Variants in NDUFAF2 observed in about 807,000 individuals in gnomAD.
NDUFAF2 encodes NADH:ubiquinone oxidoreductase complex assembly factor 2, also known as NADH dehydrogenase [ubiquinone] 1 alpha subcomplex assembly factor 2.
Under a neutral mutation model 22.8 loss-of-function variants are expected in NDUFAF2, and 13 were observed. That is an observed-to-expected ratio of 0.57 (90% CI 0.37 to 0.91). The LOEUF (loss-of-function observed/expected upper bound fraction) is 0.91, where lower values mean the gene tolerates loss of function less well. Ranked by LOEUF, NDUFAF2 falls within the 40% of genes least tolerant of loss-of-function variation. The pLI is 0.01. For synonymous variants in NDUFAF2, 53 were observed against 64.2 expected (o/e 0.83, Z 0.84); for missense variants, 162 against 195.2 (o/e 0.83, Z 1.01).
chr5:61,106,113 C>A (rs542557769), intron 3 of NDUFAF2, among the ~76,000 whole-genome samples: 1 of 151,518 alleles, frequency 6.6e-6, no homozygotes, highest in East Asian at 1.9e-4. Flanking sequence ...GTTGGAAAAT[C>A]ACCACTATTC....
At chr5:61,144,723 A>G (rs541333148) in intron 3 of NDUFAF2, among the ~76,000 whole-genome samples, 46 of 152,322 alleles carry the variant, frequency 3.0e-4, no homozygotes, top group Admixed American at 1.7e-3. Flanking sequence ...CAGTCATGAT[A>G]ACTTCATCAG....
At chr5:61,082,736 G>A (rs1752458941) in intron 2 of NDUFAF2, among the ~76,000 whole-genome samples, 2 of 152,144 alleles carry the variant, frequency 1.3e-5, no homozygotes, top group East Asian at 3.8e-4. Flanking sequence ...ATTCCATGGT[G>A]TATATGTACC....
intron 1 of NDUFAF2, among the ~76,000 whole-genome samples, chr5:61,039,001 C>G (rs75937660): frequency 0.014 from 2,184 of 151,718 alleles, 64 homozygotes; most frequent in African/African-American, 0.05. Flanking sequence ...TGCTAAATTC[C>G]TTGTTTAAAT....
chr5:61,078,745 G>GA (rs931608867), intron 2 of NDUFAF2, among the ~76,000 whole-genome samples: 38 of 143,756 alleles, frequency 2.6e-4, no homozygotes, highest in Admixed American at 4.8e-4. Flanking sequence ...CGTCTCACAA[G>GA]AAAAAAAAAA....
intron 2 of NDUFAF2, among the ~76,000 whole-genome samples, chr5:61,095,376 C>A (rs938920037): frequency 1.3e-5 from 2 of 152,218 alleles, no homozygotes; most frequent in African/African-American, 2.4e-5. Flanking sequence ...CTTCCCTCCC[C>A]CAAGGAACTC....
At chr5:60,956,342 A>G (rs1750615738) in intron 1 of NDUFAF2, among the ~76,000 whole-genome samples, 1 of 151,958 alleles carries the variant, frequency 6.6e-6, no homozygotes, top group African/African-American at 2.4e-5. Context: ...GATGCCATTT[A>G]TTTGTTTTTC....
chr5:61,089,432 ATGTCT>A (rs1752541142), intron 2 of NDUFAF2, among the ~76,000 whole-genome samples: 2 of 152,144 alleles, frequency 1.3e-5, no homozygotes, highest in African/African-American at 4.8e-5. Context: ...CAACAAAGTA[ATGTCT>A]TGATATTAAT....
chr5:60,992,189 G>A (rs1422929430), intron 1 of NDUFAF2, among the ~76,000 whole-genome samples: 2 of 152,100 alleles, frequency 1.3e-5, no homozygotes, highest in Non-Finnish European at 2.9e-5. Flanking sequence ...TATATACTCT[G>A]GTTATTAATC....
chr5:61,017,875 G>A (rs1259696321), intron 1 of NDUFAF2, among the ~76,000 whole-genome samples: 9 of 151,952 alleles, frequency 5.9e-5, no homozygotes, highest in Admixed American at 3.3e-4. Flanking sequence ...TCAGCCTCCC[G>A]AGTAACTGGG....
At chr5:60,952,996 T>C (rs556685636) in intron 1 of NDUFAF2, among the ~76,000 whole-genome samples, 1 of 152,208 alleles carries the variant, frequency 6.6e-6, no homozygotes, top group South Asian at 2.1e-4. Context: ...CCAAGTGGCC[T>C]AATATATGTA....
intron 3 of NDUFAF2, among the ~76,000 whole-genome samples, chr5:61,127,925 T>C (rs1229600952): frequency 6.6e-6 from 1 of 152,202 alleles, no homozygotes. Flanking sequence ...CTCCTTAAGC[T>C]GATAAGCAGC....
At chr5:61,039,509 A>G (rs1344648833) in intron 1 of NDUFAF2, among the ~76,000 whole-genome samples, 1 of 152,212 alleles carries the variant, frequency 6.6e-6, no homozygotes. Flanking sequence ...CTGAATCTCA[A>G]TCAATAGTTG....
At chr5:60,995,204 A>T (rs1580085684) in intron 1 of NDUFAF2, among the ~76,000 whole-genome samples, 1 of 152,240 alleles carries the variant, frequency 6.6e-6, no homozygotes, top group East Asian at 1.9e-4. Context: ...CATTTAGTTC[A>T]TTTAGTGAGA....
intron 3 of NDUFAF2, among the ~76,000 whole-genome samples, chr5:61,138,694 CCTT>C (rs1182806892): frequency 6.6e-6 from 1 of 152,136 alleles, no homozygotes; most frequent in African/African-American, 2.4e-5. Flanking sequence ...ACAAGGCAAA[CCTT>C]CTAGGGGTCA....
At chr5:61,007,283 T>G (rs1475580792) in intron 1 of NDUFAF2, among the ~76,000 whole-genome samples, 4 of 151,978 alleles carry the variant, frequency 2.6e-5, no homozygotes, top group African/African-American at 4.8e-5. Context: ...CATCTTGAAT[T>G]AATTTTTGTA....
chr5:60,971,178 T>C (rs1423284418), intron 1 of NDUFAF2, among the ~76,000 whole-genome samples: 1 of 151,828 alleles, frequency 6.6e-6, no homozygotes, highest in East Asian at 1.9e-4. Flanking sequence ...AGTTCTAGGG[T>C]ACATGTGCAC....
intron 2 of NDUFAF2, among the ~76,000 whole-genome samples, chr5:61,093,972 C>G (rs1752604206): frequency 6.6e-6 from 1 of 152,078 alleles, no homozygotes; most frequent in Non-Finnish European, 1.5e-5. Flanking sequence ...ATTCAGTTTC[C>G]TCCTGGTTCA....
At position 60,982,892 on chromosome 5, in the gene NDUFAF2, C is replaced by T. The variant is rs189490322; in HGVS notation, c.127+37510C>T. 2.4e-3 allele frequency among the ~76,000 whole-genome samples: 364 copies of T among 151,974 alleles called. 8 individuals are homozygous for T. The highest frequency in any genetic ancestry group is 8.5e-3 in the African/African-American group (354 of 41,440). ...CATGTGTCTTTAGAGAAGCATGATT[C>T]GTAAACCTTTGGGTATATACCCAGT... On this transcript the variant is annotated intron_variant, in intron 1 of 3. Transcript: ENST00000296597.
intron 1 of NDUFAF2, among the ~76,000 whole-genome samples, chr5:60,974,071 A>G (rs1190268697): frequency 6.6e-6 from 1 of 152,250 alleles, no homozygotes; most frequent in Non-Finnish European, 1.5e-5. Context: ...CTGTGAGGAC[A>G]TAAGCCAAAG....
Sources: allele counts gnomAD v4.1 joint callset (sites outside exome capture counted in the v4.1 genomes callset), GRCh38; gene constraint gnomAD v4.1.1; transcripts MANE v1.5; gene names NCBI Gene and HGNC (gene_info 2026-07-23, HGNC 2026-07-21).